The following ZNF670 variants were observed in gnomAD, a reference collection of about 807,000 sequenced individuals.
The protein encoded by ZNF670 is zinc finger protein 670.
Under a neutral mutation model 10.9 loss-of-function variants are expected in ZNF670, and 7 were observed. The ratio of observed to expected loss-of-function variants is 0.64; its 90% CI spans 0.36 to 1.20. The LOEUF (loss-of-function observed/expected upper bound fraction) is 1.20, where lower values mean the gene tolerates loss of function less well. ZNF670 is among the 50% of genes most tolerant of loss of function. The pLI, the probability that ZNF670 is intolerant of heterozygous loss-of-function variation, is 0.02. For missense variants in ZNF670, 446 were observed against 458.6 expected (o/e 0.97, Z 0.25); for synonymous variants, 136 against 152.7 (o/e 0.89, Z 0.81).
At chr1:247,068,829 C>CAAA (rs35582452) in intron 1 of ZNF670, among the ~76,000 whole-genome samples, 1,212 of 85,408 alleles carry the variant, frequency 0.014, 17 homozygotes, top group African/African-American at 0.016. Context: ...ACTATTTTGC[C>CAAA]AAAAAAAAAA....
At chr1:247,059,766 A>G (rs561450469) in intron 1 of ZNF670, among the ~76,000 whole-genome samples, 1 of 152,348 alleles carries the variant, frequency 6.6e-6, no homozygotes, top group African/African-American at 2.4e-5. Flanking sequence ...TACAAAATCC[A>G]AAAGAACCAA....
At chr1:247,066,984 A>C (rs1307242160) in intron 1 of ZNF670, among the ~76,000 whole-genome samples, 1 of 152,158 alleles carries the variant, frequency 6.6e-6, no homozygotes, top group African/African-American at 2.4e-5. Context: ...AACCAATTTA[A>C]ATCTTACATG....
intron 1 of ZNF670, among the ~76,000 whole-genome samples, chr1:247,040,465 C>T (rs1670277529): frequency 6.6e-6 from 1 of 151,958 alleles, no homozygotes; most frequent in East Asian, 1.9e-4. Context: ...CATCAATCCC[C>T]AAAACAGACA....
chr1:247,048,034 C>G (rs56036754), intron 1 of ZNF670, among the ~76,000 whole-genome samples: 4,215 of 152,314 alleles, frequency 0.028, 198 homozygotes, highest in African/African-American at 0.094. Flanking sequence ...ATTTCTGCAG[C>G]TGGCTTAAAT....
At chr1:247,072,170 A>T in intron 1 of ZNF670, among the ~76,000 whole-genome samples, 1 of 150,562 alleles carries the variant, frequency 6.6e-6, no homozygotes. Context: ...TTTTTTTTTT[A>T]AACAGCGTCT....
chr1:247,065,304 G>A (rs1208692258), intron 1 of ZNF670, among the ~76,000 whole-genome samples: 2 of 152,176 alleles, frequency 1.3e-5, no homozygotes, highest in Non-Finnish European at 2.9e-5. Context: ...CCTTGAGAAG[G>A]TTAAACATAT....
Position 247,037,227 on chromosome 1 carries a change from T to C in ZNF670, c.*222A>G, listed in dbSNP as rs527587458. 62 of 470,676 alleles carry C rather than the reference T, an allele frequency of 1.3e-4. 1 individual carries two copies. In the South Asian group the frequency reaches 2.9e-3, roughly 22 times the overall value. The allele number at this position is 470,676 out of a possible 1,614,324, so 29.2% of individuals were successfully genotyped here. On this transcript the variant is annotated 3_prime_UTR_variant, in exon 4 of 4. Transcript: ENST00000366503. ...AAGCGGCTGGGAAAATAAAGTGTTC[T>C]AACACATTTTTCGTATTTTATGACG...
In ZNF670 at chr1:247,077,754, A is replaced by T. The variant is rs533783261; in HGVS notation, c.3+840T>A. Among the ~76,000 whole-genome samples the T allele has an allele frequency of 7.2e-5, 11 of 152,382 alleles. No individual in the cohort carries two copies. The South Asian group carries it at 2.1e-3, about 29-fold the overall frequency. On this transcript the variant is annotated intron_variant, in intron 1 of 3. Coordinates refer to ENST00000366503, the MANE Select transcript of ZNF670 (RefSeq NM_033213.5). The stretch of plus-strand genomic sequence containing the variant: ...CCCAGAAGAGTTAGGCTGTGGGAAC[A>T]GGGTCGTTGATGTGAGATCCTGTTG...
chr1:247,046,923 GGGCTA>G (rs1670464954), intron 1 of ZNF670, among the ~76,000 whole-genome samples: 1 of 152,160 alleles, frequency 6.6e-6, no homozygotes, highest in South Asian at 2.1e-4. Context: ...CAAAACAAAG[GGGCTA>G]CAGGCCCCAT....
chr1:247,069,417 C>T lies in ZNF670; in HGVS notation c.3+9177G>A, dbSNP rs568351474. 2.6e-4 allele frequency among the ~76,000 whole-genome samples: 39 copies of T among 150,504 alleles called. 1 individual carries two copies. Among genetic ancestry groups the T allele is most frequent in the Non-Finnish European group, 4.9e-4 (33 of 67,980 alleles). ...GTGGGAATGTCAACTAGTACAACTA[C>T]TATGGAGAACAGTTTGAAGGTCTTT... On this transcript the variant is annotated intron_variant, in intron 1 of 3. Transcript: ENST00000366503.
chr1:247,061,887 T>C (rs1670867524), intron 1 of ZNF670, among the ~76,000 whole-genome samples: 1 of 152,204 alleles, frequency 6.6e-6, no homozygotes, highest in Non-Finnish European at 1.5e-5. Context: ...GGGAGATTAT[T>C]GGGATTAAAC....
In ZNF670 at chr1:247,055,866, TATATC is replaced by T. The variant is rs1226813093; in HGVS notation, c.4-16334_4-16330del. Among the ~76,000 whole-genome samples the T allele has an allele frequency of 2.6e-5, 4 of 152,216 alleles. No individual in the cohort carries two copies. In the East Asian group the frequency reaches 5.8e-4, roughly 22 times the overall value. Reference sequence around the variant, plus strand: ...AAACCAAAAAAAGAATAGCTATACTTATATCAGATGAAATAAATTTCAAACAAAAA... The same window carrying T: ...AAACCAAAAAAAGAATAGCTATACTTAGATGAAATAAATTTCAAACAAAAA... On this transcript the variant is annotated intron_variant, in intron 1 of 3. Coordinates refer to ENST00000366503, the MANE Select transcript of ZNF670 (RefSeq NM_033213.5).
At chr1:247,072,739 ACTGTGCCATTACACTCCAGC>A (rs1185520034) in intron 1 of ZNF670, among the ~76,000 whole-genome samples, 1 of 146,906 alleles carries the variant, frequency 6.8e-6, no homozygotes, top group African/African-American at 2.5e-5. Flanking sequence ...GTGAGCCGAG[ACTGTGCCATTACACTCCAGC>A]CTGGGCGACA....
intron 1 of ZNF670, among the ~76,000 whole-genome samples, chr1:247,076,940 C>G (rs756228588): frequency 3.9e-5 from 6 of 152,248 alleles, no homozygotes; most frequent in Non-Finnish European, 8.8e-5. Flanking sequence ...GGATTACAGG[C>G]GTGGGCCACC....
At chr1:247,061,163 T>C (rs1030366489) in intron 1 of ZNF670, among the ~76,000 whole-genome samples, 2 of 151,386 alleles carry the variant, frequency 1.3e-5, no homozygotes, top group African/African-American at 4.9e-5. Flanking sequence ...ACCGAAACAC[T>C]GTCAAGCTGT....
At position 247,072,047 on chromosome 1, in the gene ZNF670, C is replaced by T. The variant is rs191146679; in HGVS notation, c.3+6547G>A. On this transcript the variant is annotated intron_variant, in intron 1 of 3. Transcript: ENST00000366503. ...TAATTTTTTGTATTTTTAGTAGAGA[C>T]GGGGTTTCACCGTGTTAGCCAGGAT... Among the ~76,000 whole-genome samples the T allele has an allele frequency of 2.9e-3, 439 of 151,896 alleles. 1 individual carries two copies. Among genetic ancestry groups the T allele is most frequent in the Non-Finnish European group, 4.6e-3 (310 of 67,924 alleles).
intron 1 of ZNF670, among the ~76,000 whole-genome samples, chr1:247,078,339 C>G (rs1232820209): frequency 6.6e-6 from 1 of 152,194 alleles, no homozygotes; most frequent in Admixed American, 6.5e-5. Flanking sequence ...CGGCACCGCA[C>G]GATCCGAGGG....
intron 1 of ZNF670, among the ~76,000 whole-genome samples, chr1:247,066,797 G>A (rs1287648609): frequency 1.3e-5 from 2 of 152,112 alleles, no homozygotes; most frequent in African/African-American, 4.8e-5. Context: ...TCTTTCTGAA[G>A]CCTGCTATCT....
At chr1:247,042,789 C>G (rs953184596) in intron 1 of ZNF670, 6 of 477,650 alleles carry the variant, frequency 1.3e-5, no homozygotes, top group South Asian at 7.1e-5. Flanking sequence ...GTTCTGAGTT[C>G]CATGAAAATG....
Sources: gnomAD v4.1 joint callset for allele counts (sites outside exome capture counted in the v4.1 genomes callset) on GRCh38, gnomAD v4.1.1 for gene constraint, MANE v1.5 for transcripts, NCBI Gene and HGNC (gene_info 2026-07-23, HGNC 2026-07-21) for gene names.